Variants in ITGA4 observed in about 807,000 individuals in gnomAD.
ITGA4 encodes integrin subunit alpha 4.
ITGA4 carries 63 observed loss-of-function variants against 133.6 expected under a neutral mutation model. The ratio of observed to expected loss-of-function variants is 0.47; its 90% CI spans 0.38 to 0.58. The LOEUF (loss-of-function observed/expected upper bound fraction) is 0.58, where lower values mean the gene tolerates loss of function less well. Ranked by LOEUF, ITGA4 falls within the 20% of genes least tolerant of loss-of-function variation. The probability of loss-of-function intolerance (pLI) is 0.00; values close to 1 mark genes in which losing one functional copy is unlikely to be tolerated. For synonymous variants in ITGA4, 483 were observed against 438.0 expected, an observed-to-expected ratio of 1.10 and a Z score of -1.28; for missense variants, 1,076 against 1,252.7, an observed-to-expected ratio of 0.86 and a Z score of 2.13.
intron 2 of ITGA4, among the ~76,000 whole-genome samples, chr2:181,470,008 T>C (rs1685508858): frequency 6.6e-6 from 1 of 151,980 alleles, no homozygotes; most frequent in South Asian, 2.1e-4. Context: ...GGCACATGTA[T>C]ACATATGTAA....
chr2:181,485,683 C>G (rs1006969846), intron 9 of ITGA4, among the ~76,000 whole-genome samples, 198 bp from the exon 10 acceptor site: 2 of 152,144 alleles, frequency 1.3e-5, no homozygotes. Context: ...CCTCTGAGGT[C>G]TAATCATACT....
intron 17 of ITGA4, among the ~76,000 whole-genome samples, chr2:181,514,152 G>A (rs553030492): frequency 1.2e-4 from 19 of 152,212 alleles, no homozygotes; most frequent in African/African-American, 4.6e-4. Flanking sequence ...CAGTGTGGAA[G>A]GAAGGGAAAT....
chr2:181,531,613 C>T, intron 24 of ITGA4, 44 bp from the exon 25 acceptor site: 22 of 1,182,616 alleles, frequency 1.9e-5, no homozygotes, highest in Middle Eastern at 2.0e-4. Flanking sequence ...AAATATTTTC[C>T]AATGTTGAAA....
chr2:181,497,711 C>A (rs1686182596), intron 14 of ITGA4, among the ~76,000 whole-genome samples: 1 of 152,070 alleles, frequency 6.6e-6, no homozygotes, highest in African/African-American at 2.4e-5. Context: ...TACATAAATT[C>A]TTTAAACTAT....
chr2:181,531,563 C>T, intron 24 of ITGA4, 94 bp from the exon 25 acceptor site: 1 of 528,082 alleles, frequency 1.9e-6, no homozygotes, highest in Non-Finnish European at 3.0e-6. Flanking sequence ...TTTCAAAATG[C>T]CATTAGAGTA....
In ITGA4 at chr2:181,493,433, C is replaced by T. The variant is rs1686097436; in HGVS notation, c.1248+14C>T. On this transcript the variant is annotated intron_variant, in intron 11 of 27. Coordinates refer to ENST00000397033, the MANE Select transcript of ITGA4 (RefSeq NM_000885.6). The stretch of plus-strand genomic sequence containing the variant: ...ACCTTCTCACAGGTAAGGTACTATT[C>T]TATTTCCAAAAGAAGCATTGGTTAT... The T allele has an allele frequency of 6.6e-7, 1 of 1,520,972 alleles. No homozygotes were observed. Among genetic ancestry groups the T allele is most frequent in the South Asian group, 1.2e-5 (1 of 85,504 alleles). The allele number at this position is 1,520,972 out of a possible 1,614,324, so 94.2% of individuals were successfully genotyped here. A position where few individuals can be genotyped will look rare whatever the true frequency, so the allele number is the denominator to read the frequency against.
chr2:181,527,234 AAG>A (rs1375995886), intron 21 of ITGA4, 61 bp from the exon 22 acceptor site: 1 of 983,246 alleles, frequency 1.0e-6, no homozygotes. Flanking sequence ...ACTATAGAAA[AAG>A]ACTCTTTATA....
chr2:181,524,582 T>C (rs527463081), intron 20 of ITGA4, among the ~76,000 whole-genome samples: 3 of 152,178 alleles, frequency 2.0e-5, no homozygotes, highest in South Asian at 2.1e-4. Flanking sequence ...TCCATAGATA[T>C]GTCTCCTAGA....
chr2:181,458,317 G>A lies in ITGA4; in HGVS notation c.319G>A (p.Gly107Ser), dbSNP rs765885636. Residue 107 changes from glycine (G) to serine (S), a missense_variant and splice_region_variant, in exon 2 of 28, where the codon GGT becomes AGT. This residue lies in a region of ITGA4 where 436 missense variants were observed against 590.7 expected (regional missense o/e 0.74). Coordinates refer to ENST00000397033, the MANE Select transcript of ITGA4 (RefSeq NM_000885.6). ...PGQTCEQLQL[G>S]SPNGEPCGKT... ...CCAGACGTGCGAACAGCTCCAGCTG[G>A]GTGAGTTGGGTATGGGACCAGGAGT... 6.2e-7 allele frequency: 1 copy of A among 1,610,380 alleles called. No individual in the cohort carries two copies. The highest frequency in any genetic ancestry group is 8.5e-7 in the Non-Finnish European group (1 of 1,178,318).
intron 17 of ITGA4, among the ~76,000 whole-genome samples, chr2:181,518,605 G>C (rs1233426829): frequency 6.6e-6 from 1 of 151,946 alleles, no homozygotes; most frequent in Non-Finnish European, 1.5e-5. Flanking sequence ...TGAAGGGACA[G>C]ATAGTACATA....
chr2:181,498,809 G>A, intron 15 of ITGA4, 32 bp downstream of exon 15: 2 of 1,558,092 alleles, frequency 1.3e-6, no homozygotes, highest in Non-Finnish European at 1.7e-6. Flanking sequence ...TAATGAATAT[G>A]TGAACTTCAA....
At chr2:181,462,626 T>C (rs1011496778) in intron 2 of ITGA4, among the ~76,000 whole-genome samples, 7 of 152,176 alleles carry the variant, frequency 4.6e-5, no homozygotes, top group Admixed American at 3.9e-4. Context: ...TATACAATTA[T>C]GTAGAAAATC....
At chr2:181,512,215 A>G (rs150311739) in intron 17 of ITGA4, among the ~76,000 whole-genome samples, 1 of 152,090 alleles carries the variant, frequency 6.6e-6, no homozygotes, top group Non-Finnish European at 1.5e-5. Context: ...AACAAGGACC[A>G]GAGAGAGAGA....
rs762573909 is a variant in ITGA4 at position 181,495,758 on chromosome 2, A to C, written c.1386-25A>C. On this transcript the variant is annotated intron_variant, in intron 13 of 27. Coordinates refer to ENST00000397033, the MANE Select transcript of ITGA4 (RefSeq NM_000885.6). The surrounding 1 kb of genome is among the most constrained non-coding windows in gnomAD (Gnocchi z 4.3). The stretch of plus-strand genomic sequence containing the variant: ...AAGGAAAAATAATTCTGCAATTAAC[A>C]TTGCTACTTTTATTTCCTTCTCAGG... 3 of 1,596,418 alleles carry C rather than the reference A, an allele frequency of 1.9e-6. No homozygotes were observed. Among genetic ancestry groups the C allele is most frequent in the Non-Finnish European group, 2.6e-6 (3 of 1,171,538 alleles).
chr2:181,488,370 C>T (rs778033021), intron 10 of ITGA4, among the ~76,000 whole-genome samples: 1 of 152,082 alleles, frequency 6.6e-6, no homozygotes, highest in East Asian at 1.9e-4. Flanking sequence ...GCACTCCACT[C>T]CTAAAGGTAA....
chr2:181,478,749 C>A lies in ITGA4; in HGVS notation c.557-8C>A. ...AAAATTCTGAGTTGTTTTAATATTT[C>A]ATTTTAGATTATGTGAAAAAATTTG... is the stretch of plus-strand genomic sequence containing the variant. On this transcript the variant is annotated splice_region_variant and splice_polypyrimidine_tract_variant and intron_variant, in intron 4 of 27. Coordinates refer to ENST00000397033, the MANE Select transcript of ITGA4 (RefSeq NM_000885.6). 2 of 1,292,410 alleles carry A rather than the reference C, an allele frequency of 1.5e-6. No homozygotes were observed. The highest frequency in any genetic ancestry group is 2.1e-6 in the Non-Finnish European group (2 of 935,072). 80.1% of individuals were successfully genotyped at this position (1,292,410 alleles called of 1,614,324 possible).
At chr2:181,474,187 A>G (rs1331504695) in intron 2 of ITGA4, among the ~76,000 whole-genome samples, 1 of 152,224 alleles carries the variant, frequency 6.6e-6, no homozygotes, top group Non-Finnish European at 1.5e-5. Context: ...CAGCTATAAC[A>G]CAAATAATTT....
Position 181,538,103 on chromosome 2 carries a change from G to A in ITGA4, c.*2576G>A, listed in dbSNP as rs569746967. The A allele has an allele frequency of 7.1e-5, 67 of 949,376 alleles. No homozygotes were observed. Among genetic ancestry groups the A allele is most frequent in the Non-Finnish European group, 1.0e-4 (61 of 585,846 alleles). The allele number at this position is 949,376 out of a possible 1,614,324, so 58.8% of individuals were successfully genotyped here. On this transcript the variant is annotated 3_prime_UTR_variant, in exon 28 of 28. Transcript: ENST00000397033. ...CATGAAACTGGTCCCAAAAAGGGTG[G>A]GGACCACAGGTTTAAAGCATGGCCA...
chr2:181,500,898 T>A (rs1201720816), intron 15 of ITGA4, among the ~76,000 whole-genome samples: 1 of 152,116 alleles, frequency 6.6e-6, no homozygotes, highest in Admixed American at 6.6e-5. Flanking sequence ...AATATACATT[T>A]TATAGTATTT....
Sources: allele counts gnomAD v4.1 joint callset (sites outside exome capture counted in the v4.1 genomes callset), GRCh38; gene constraint gnomAD v4.1.1; regional missense constraint gnomAD v4.1.1; non-coding constraint Gnocchi (gnomAD v3.1); transcripts MANE v1.5; gene names NCBI Gene and HGNC (gene_info 2026-07-23, HGNC 2026-07-21).